ZFAND3: variants seen among roughly 807,000 people sequenced by gnomAD.
ZFAND3 encodes the protein AN1-type zinc finger protein 3.
Under a neutral mutation model 29.6 loss-of-function variants are expected in ZFAND3, and 10 were observed. The ratio of observed to expected loss-of-function variants is 0.34; its 90% CI spans 0.21 to 0.57. ZFAND3 has a LOEUF of 0.57. Ranked by LOEUF, ZFAND3 falls within the 20% of genes least tolerant of loss-of-function variation. The pLI is 0.86. For synonymous variants in ZFAND3, 128 were observed against 112.6 expected, an observed-to-expected ratio of 1.14 and a Z score of -0.87; for missense variants, 230 against 304.5, an observed-to-expected ratio of 0.76 and a Z score of 1.82.
intron 1 of ZFAND3, among the ~76,000 whole-genome samples, chr6:37,917,487 A>G (rs868406173): frequency 6.6e-6 from 1 of 152,250 alleles, no homozygotes; most frequent in Non-Finnish European, 1.5e-5. Flanking sequence ...ATGAAATATG[A>G]TACACAAAAA....
At chr6:37,827,661 A>G (rs755898232) in intron 1 of ZFAND3, among the ~76,000 whole-genome samples, 1 of 152,206 alleles carries the variant, frequency 6.6e-6, no homozygotes, top group Non-Finnish European at 1.5e-5. Flanking sequence ...ATGAAAATGC[A>G]TGTCATCCAT....
intron 2 of ZFAND3, among the ~76,000 whole-genome samples, chr6:38,002,681 T>C (rs1762971542): frequency 6.6e-6 from 1 of 151,772 alleles, no homozygotes; most frequent in Non-Finnish European, 1.5e-5. Context: ...ACAACAACAA[T>C]AAAAACAAAA....
At chr6:38,070,550 A>G (rs756750297) in intron 3 of ZFAND3, among the ~76,000 whole-genome samples, 16 of 152,122 alleles carry the variant, frequency 1.1e-4, no homozygotes, top group Non-Finnish European at 1.9e-4. Context: ...ACTCCTGCAT[A>G]ATATTCTATA....
chr6:37,946,320 C>G (rs1407573750), intron 2 of ZFAND3, among the ~76,000 whole-genome samples: 2 of 152,278 alleles, frequency 1.3e-5, no homozygotes, highest in East Asian at 3.9e-4. Context: ...TTGTGAACAT[C>G]TGACATTATT....
At chr6:37,881,860 AAAAC>A (rs1764902423) in intron 1 of ZFAND3, among the ~76,000 whole-genome samples, 1 of 152,132 alleles carries the variant, frequency 6.6e-6, no homozygotes, top group Non-Finnish European at 1.5e-5. Flanking sequence ...GTTAAAAAAA[AAAAC>A]ATTCCTTTGG....
At chr6:38,052,675 A>G (rs564606915) in intron 2 of ZFAND3, among the ~76,000 whole-genome samples, 3 of 152,256 alleles carry the variant, frequency 2.0e-5, no homozygotes, top group Non-Finnish European at 2.9e-5. Context: ...AAGAGTTCAA[A>G]TATGAGTAGG....
intron 1 of ZFAND3, among the ~76,000 whole-genome samples, chr6:37,823,685 A>G (rs541953463): frequency 4.6e-5 from 7 of 152,298 alleles, no homozygotes; most frequent in African/African-American, 1.7e-4. Flanking sequence ...AAGTTATTTT[A>G]TAGAGGCCAT....
chr6:37,861,044 G>A (rs1581715785), intron 1 of ZFAND3, among the ~76,000 whole-genome samples: 1 of 152,056 alleles, frequency 6.6e-6, no homozygotes, highest in South Asian at 2.1e-4. Flanking sequence ...AAATCACTTG[G>A]CAAGGAGTTC....
intron 2 of ZFAND3, among the ~76,000 whole-genome samples, chr6:38,059,426 A>T (rs1489548525): frequency 6.6e-6 from 1 of 152,036 alleles, no homozygotes; most frequent in Non-Finnish European, 1.5e-5. Flanking sequence ...TTGTAGCCTT[A>T]TTCATTTAAT....
chr6:37,970,773 C>T (rs547810406), intron 2 of ZFAND3, among the ~76,000 whole-genome samples: 94 of 152,082 alleles, frequency 6.2e-4, no homozygotes, highest in Admixed American at 1.8e-3. Context: ...GCCGTGGTGG[C>T]GGGCGCCTGT....
At chr6:38,024,502 A>G (rs922168078) in intron 2 of ZFAND3, among the ~76,000 whole-genome samples, 2 of 151,466 alleles carry the variant, frequency 1.3e-5, no homozygotes, top group African/African-American at 2.4e-5. Context: ...CTAAACGTGC[A>G]TGTTTGTTGC....
chr6:38,047,378 C>G (rs1763925446), intron 2 of ZFAND3, among the ~76,000 whole-genome samples: 1 of 151,538 alleles, frequency 6.6e-6, no homozygotes, highest in Non-Finnish European at 1.5e-5. Flanking sequence ...TTCTTTGGCC[C>G]TTTTGGTCTG....
chr6:37,836,352 G>A (rs1763968343), intron 1 of ZFAND3, among the ~76,000 whole-genome samples: 1 of 152,170 alleles, frequency 6.6e-6, no homozygotes, highest in South Asian at 2.1e-4. Flanking sequence ...ACTAAGGATG[G>A]AACCCTGAGG....
intron 5 of ZFAND3, among the ~76,000 whole-genome samples, chr6:38,147,408 G>C (rs1451013639): frequency 6.6e-6 from 1 of 152,206 alleles, no homozygotes; most frequent in Non-Finnish European, 1.5e-5. Flanking sequence ...CACTGAGGTT[G>C]ATTTCATATC....
intron 2 of ZFAND3, among the ~76,000 whole-genome samples, chr6:37,972,249 C>T (rs1762401460): frequency 6.6e-6 from 1 of 152,194 alleles, no homozygotes; most frequent in Non-Finnish European, 1.5e-5. Context: ...TCTCCAGCTG[C>T]ACACAGAAGG....
intron 2 of ZFAND3, among the ~76,000 whole-genome samples, chr6:38,055,106 A>G (rs1362910104): frequency 6.6e-6 from 1 of 152,202 alleles, no homozygotes; most frequent in Non-Finnish European, 1.5e-5. Context: ...ACAGTGCCTT[A>G]TATGAACCAA....
chr6:37,994,832 A>G (rs1762822511), intron 2 of ZFAND3, among the ~76,000 whole-genome samples: 1 of 152,182 alleles, frequency 6.6e-6, no homozygotes, highest in Non-Finnish European at 1.5e-5. Context: ...ACAAACATTC[A>G]TCTTTAGTGG....
At chr6:37,963,587 A>G (rs531259857) in intron 2 of ZFAND3, among the ~76,000 whole-genome samples, 3 of 152,174 alleles carry the variant, frequency 2.0e-5, no homozygotes, top group Admixed American at 1.3e-4. Flanking sequence ...CTTTAGCCAG[A>G]CTAAGAAAAA....
intron 2 of ZFAND3, among the ~76,000 whole-genome samples, chr6:38,012,509 G>T (rs985662638): frequency 1.3e-5 from 2 of 151,748 alleles, no homozygotes; most frequent in Admixed American, 1.3e-4. Flanking sequence ...TTCCCGAGTA[G>T]CTGGGACTAC....
Sources: allele counts gnomAD v4.1 joint callset (sites outside exome capture counted in the v4.1 genomes callset), GRCh38; gene constraint gnomAD v4.1.1; transcripts MANE v1.5; gene names NCBI Gene and HGNC (gene_info 2026-07-23, HGNC 2026-07-21).